Variants in KDM6B observed in about 807,000 individuals in gnomAD.
KDM6B encodes the protein lysine-specific demethylase 6B.
Under a neutral mutation model 150.4 loss-of-function variants are expected in KDM6B, and 22 were observed. The observed-to-expected ratio is 0.15, with a 90% CI of 0.10 to 0.21. The LOEUF is 0.21. Among genes scored for constraint, KDM6B ranks in the 10% least tolerant of loss-of-function variants. The pLI is 1.00. For missense variants in KDM6B, 1,984 were observed against 2,234.3 expected (o/e 0.89, Z 2.26); for synonymous variants, 1,148 against 921.1 (o/e 1.25, Z -4.46).
chr17:7,836,956 C>T (rs992425686), intron 1 of KDM6B, among the ~76,000 whole-genome samples: 17 of 152,286 alleles, frequency 1.1e-4, no homozygotes, highest in East Asian at 9.6e-4. Flanking sequence ...AGTCCAGTTC[C>T]AGTCCCGTGC....
Position 7,849,435 on chromosome 17 carries a change from T to C in KDM6B, c.3147T>C (p.Ala1049=). 6.2e-7 allele frequency: 1 copy of C among 1,612,114 alleles called. No individual in the cohort carries two copies. The highest frequency in any genetic ancestry group is 1.3e-5 in the African/African-American group (1 of 74,992). Residue 1049 remains alanine, a synonymous_variant, in exon 12 of 24, where the codon GCT becomes GCC. Coordinates refer to ENST00000448097, the MANE Select transcript of KDM6B (RefSeq NM_001348716.2). ...CCTCCAAGGCCAAGCCACCCACAGC[T>C]CCAGCCCCTCCATCAGCTCCTGCAC... ...GGASKAKPPT[A]PAPPSAPAPS...
chr17:7,851,847 T>C (rs906939531), intron 18 of KDM6B, 51 bp downstream of exon 18: 4 of 1,564,700 alleles, frequency 2.6e-6, no homozygotes, highest in Non-Finnish European at 3.5e-6. Context: ...GAGGAGGGGC[T>C]GGCGGCGGCG....
chr17:7,847,986 T>C lies in KDM6B; in HGVS notation c.1698T>C (p.Ala566=). 1 of 1,610,426 alleles carries C rather than the reference T, an allele frequency of 6.2e-7. No individual in the cohort carries two copies. Among genetic ancestry groups the C allele is most frequent in the Non-Finnish European group, 8.5e-7 (1 of 1,179,310 alleles). The change falls in exon 12 of 24, where the codon GCT becomes GCC. Residue 566 remains alanine, a synonymous_variant. Coordinates refer to ENST00000448097, the MANE Select transcript of KDM6B (RefSeq NM_001348716.2). The part of the protein sequence containing the change: ...SNSGSHSSSP[A]GPVSFPPPPY... ...GTGGCAGCCACAGCAGCAGCCCTGC[T>C]GGGCCTGTGTCCTTTCCCCCACCAC... is the stretch of plus-strand genomic sequence containing the variant.
At chr17:7,849,986 A>G in intron 13 of KDM6B, 39 bp downstream of exon 13, 1 of 1,613,506 alleles carries the variant, frequency 6.2e-7, no homozygotes, top group Non-Finnish European at 8.5e-7. Context: ...CCCCTGCCAG[A>G]GGGTTCTAAG....
chr17:7,853,473 GC>G, intron 23 of KDM6B, 24 bp from the exon 24 acceptor site: 1 of 1,504,046 alleles, frequency 6.6e-7, no homozygotes. Context: ...CTTTCCCTGA[GC>G]CCCCGCCGGC....
chr17:7,846,529 A>C, intron 8 of KDM6B, 37 bp downstream of exon 8: 3 of 1,614,076 alleles, frequency 1.9e-6, no homozygotes, highest in Non-Finnish European at 2.5e-6. Flanking sequence ...GAGGAGAGCC[A>C]GGCTGTGCCT....
Position 7,852,598 on chromosome 17 carries a change from G to A in KDM6B, c.4572G>A (p.Thr1524=), listed in dbSNP as rs147988687. 164 of 1,613,946 alleles carry A rather than the reference G, an allele frequency of 1.0e-4. No individual in the cohort carries two copies. Among genetic ancestry groups the A allele is most frequent in the Non-Finnish European group, 1.3e-4 (158 of 1,180,040 alleles). The part of the protein sequence containing the change: ...MIHVSWNVAR[T]VKISDPDLFK... ...ACGTGTCATGGAACGTGGCTCGCAC[G>A]GTCAAAATCAGCGACCCCGACTTGT... The change falls in exon 21 of 24, where the codon ACG becomes ACA. Residue 1524 remains threonine, a synonymous_variant. Transcript: ENST00000448097.
chr17:7,847,607 C>T lies in KDM6B; in HGVS notation c.1319C>T (p.Pro440Leu), dbSNP rs202101573. Residue 440 changes from proline to leucine, a missense_variant, in exon 12 of 24, where the codon CCC becomes CTC. By Grantham distance (98) the Pro-to-Leu change is moderately conservative (BLOSUM62 -3). Coordinates refer to ENST00000448097, the MANE Select transcript of KDM6B (RefSeq NM_001348716.2). The part of the protein sequence containing the change: ...LEVSHHGRLG[P>L]SAHSSRKPFL... Reference sequence around the variant, plus strand: ...GTCTCTCACCATGGCCGCCTGGGGCCCTCGGCACACAGCAGTCGGAAACCG... The same window carrying T: ...GTCTCTCACCATGGCCGCCTGGGGCTCTCGGCACACAGCAGTCGGAAACCG... 181 of 1,612,452 alleles carry T rather than the reference C, an allele frequency of 1.1e-4. No individual in the cohort carries two copies. The highest frequency in any genetic ancestry group is 1.0e-4 in the Non-Finnish European group (119 of 1,179,758).
intron 14 of KDM6B, 21 bp downstream of exon 14, chr17:7,850,198 G>C: frequency 6.3e-7 from 1 of 1,593,732 alleles, no homozygotes; most frequent in Non-Finnish European, 8.6e-7. Context: ...GGGGCAGAAA[G>C]TGTTAGGGAG....
chr17:7,834,943 A>G (rs931560068), intron 1 of KDM6B, among the ~76,000 whole-genome samples: 6 of 124,640 alleles, frequency 4.8e-5, no homozygotes, highest in African/African-American at 1.9e-4. Context: ...TCCTTCTCCC[A>G]CTCCGCCGTT....
rs559880297 is a variant in KDM6B, at chr17:7,834,334, A to ACC, written c.-397_-396dup. 1.3e-5 allele frequency among the ~76,000 whole-genome samples: 2 copies of ACC among 150,586 alleles called. No homozygotes were observed. ...ACCTTGGGGAGCCTGAACACCTGGG[A>ACC]CCCCCCCCAGAACCAGGTAACGGGG... On this transcript the variant is annotated 5_prime_UTR_variant, in exon 1 of 24. Coordinates refer to ENST00000448097, the MANE Select transcript of KDM6B (RefSeq NM_001348716.2).
rs111629602 is a variant in KDM6B, at chr17:7,853,390, C to A, written c.4908+10C>A. ...CGACGCCTTCACGCTGGTGAGGGCC[C>A]GGCGGGCGCGCGGGCAGCGGAGGAG... On this transcript the variant is annotated intron_variant, in intron 23 of 23. Coordinates refer to ENST00000448097, the MANE Select transcript of KDM6B (RefSeq NM_001348716.2). The A allele has an allele frequency of 6.5e-6, 10 of 1,539,584 alleles. No individual in the cohort carries two copies. Among genetic ancestry groups the A allele is most frequent in the Non-Finnish European group, 8.7e-6 (10 of 1,147,486 alleles).
At position 7,848,568 on chromosome 17, in the gene KDM6B, C is replaced by A. The variant is rs150343260; in HGVS notation, c.2280C>A (p.Thr760=). 2 of 1,553,234 alleles carry A rather than the reference C, an allele frequency of 1.3e-6. No individual in the cohort carries two copies. Among genetic ancestry groups the A allele is most frequent in the African/African-American group, 1.3e-5 (1 of 74,280 alleles). ...AVTTTTTTTT[T]TTATQEEEKK... ...CCACCACCACCACCACCACCACCAC[C>A]ACCACGGCCACCCAGGAAGAGGAGA... The change falls in exon 12 of 24, where the codon ACC becomes ACA. Residue 760 remains threonine (T), a synonymous_variant. Transcript: ENST00000448097.
At position 7,851,645 on chromosome 17, in the gene KDM6B, C is replaced by T. The variant is rs1326823202; in HGVS notation, c.4017-3C>T. ...AGCCTCTCGTCGCACTTCCGCACCG[C>T]AGGTGGAAGCCCCAGCTGCAGGAGC... is the stretch of plus-strand genomic sequence containing the variant. On this transcript the variant is annotated splice_region_variant and splice_polypyrimidine_tract_variant and intron_variant, in intron 17 of 23. Coordinates refer to ENST00000448097, the MANE Select transcript of KDM6B (RefSeq NM_001348716.2). 1.9e-6 allele frequency: 3 copies of T among 1,592,914 alleles called. No homozygotes were observed. Among genetic ancestry groups the T allele is most frequent in the East Asian group, 2.3e-5 (1 of 44,218 alleles).
chr17:7,849,596 T>C lies in KDM6B; in HGVS notation c.3308T>C (p.Leu1103Pro), dbSNP rs1567799491. 1 of 1,612,488 alleles carries C rather than the reference T, an allele frequency of 6.2e-7. No individual in the cohort carries two copies. Among genetic ancestry groups the C allele is most frequent in the Non-Finnish European group, 8.5e-7 (1 of 1,180,022 alleles). The change falls in exon 12 of 24, where the codon CTG becomes CCG. Residue 1103 changes from leucine (L) to proline (P), a missense_variant. By Grantham distance (98) the Leu-to-Pro change is moderately conservative. This residue lies in a region of KDM6B where 1,379 missense variants were observed against 1,275.6 expected (regional missense o/e 1.08). Coordinates refer to ENST00000448097, the MANE Select transcript of KDM6B (RefSeq NM_001348716.2). ...CTTAGTGAGGGGCCCCCCAAGGAGCTGAAGATCCGGCTCATCAAGGTAGAG... is the reference window on the plus strand; with the variant it reads ...CTTAGTGAGGGGCCCCCCAAGGAGCCGAAGATCCGGCTCATCAAGGTAGAG... ...RSLSEGPPKELKIRLIKVESG... is the reference protein window; with the variant it reads ...RSLSEGPPKEPKIRLIKVESG...
rs920664108 is a variant in KDM6B at position 7,853,913 on chromosome 17, C to T, written c.*392C>T. ...CACGCGGCTCGTGTATGTACATAGA[C>T]GTTACGGCAGCCGAGGTTTTTAATG... On this transcript the variant is annotated 3_prime_UTR_variant, in exon 24 of 24. Transcript: ENST00000448097. The T allele has an allele frequency of 1.8e-5, 3 of 167,564 alleles. No individual in the cohort carries two copies. The highest frequency in any genetic ancestry group is 3.8e-5 in the Non-Finnish European group (3 of 78,556). The allele number at this position is 167,564 out of a possible 1,614,324, so 10.4% of individuals were successfully genotyped here.
intron 1 of KDM6B, 95 bp from the exon 2 acceptor site, chr17:7,839,811 C>G (rs1275955424): frequency 6.6e-6 from 1 of 152,204 alleles, no homozygotes; most frequent in African/African-American, 2.4e-5. Flanking sequence ...ATCTGACCAC[C>G]AGAGCCAGGT....
intron 21 of KDM6B, 21 bp from the exon 22 acceptor site, chr17:7,852,979 C>T: frequency 6.2e-7 from 1 of 1,613,602 alleles, no homozygotes; most frequent in Non-Finnish European, 8.5e-7. Context: ...GTGGTCTCAA[C>T]ACAACCCCAC....
At position 7,848,985 on chromosome 17, in the gene KDM6B, C is replaced by G. The variant is rs956802080; in HGVS notation, c.2697C>G (p.Pro899=). ...VPGPMTPTQP[P]PPLSLPPARS... ...GCCCCATGACCCCCACCCAACCGCC[C>G]CCACCCCTATCTCTGCCCCCTGCTC... is the stretch of plus-strand genomic sequence containing the variant. The change falls in exon 12 of 24, where the codon CCC becomes CCG. Residue 899 remains proline, a synonymous_variant. Coordinates refer to ENST00000448097, the MANE Select transcript of KDM6B (RefSeq NM_001348716.2). 2 of 1,580,004 alleles carry G rather than the reference C, an allele frequency of 1.3e-6. No homozygotes were observed. The highest frequency in any genetic ancestry group is 1.3e-5 in the African/African-American group (1 of 74,448).
Sources: allele counts gnomAD v4.1 joint callset (sites outside exome capture counted in the v4.1 genomes callset), GRCh38; gene constraint gnomAD v4.1.1; regional missense constraint gnomAD v4.1.1; transcripts MANE v1.5; gene names NCBI Gene and HGNC (gene_info 2026-07-23, HGNC 2026-07-21).